Variants in DOCK3 observed in about 807,000 individuals in gnomAD.
DOCK3 encodes the protein dedicator of cytokinesis 3.
A neutral mutation model predicts 265.6 loss-of-function variants in DOCK3; 60 were observed. The ratio of observed to expected loss-of-function variants is 0.23; its 90% CI spans 0.18 to 0.28. The LOEUF is 0.28. Among genes scored for constraint, DOCK3 ranks in the 10% least tolerant of loss-of-function variants. The pLI is 1.00. For missense variants in DOCK3, 1,981 were observed against 2,594.3 expected (o/e 0.76, Z 5.14); for synonymous variants, 881 against 938.0 (o/e 0.94, Z 1.11).
chr3:50,745,429 A>G (rs937677600), intron 1 of DOCK3, among the ~76,000 whole-genome samples: 14 of 152,336 alleles, frequency 9.2e-5, no homozygotes, highest in Middle Eastern at 3.4e-3. Flanking sequence ...CTTCCAATCC[A>G]TGAATATGGA....
Position 51,364,917 on chromosome 3 carries a change from G to A in DOCK3, c.5293+2243G>A, listed in dbSNP as rs1283022318. Among the ~76,000 whole-genome samples the A allele has an allele frequency of 2.0e-5, 3 of 152,224 alleles. No homozygotes were observed. In the East Asian group the frequency reaches 5.8e-4, roughly 29 times the overall value. On this transcript the variant is annotated intron_variant, in intron 49 of 52. Transcript: ENST00000266037. ...AGTATAGTTTGAAGCCAGATAGTATGATGCCTCCAGCTTTGTTCTTTTTGC... is the reference window on the plus strand; with the variant it reads ...AGTATAGTTTGAAGCCAGATAGTATAATGCCTCCAGCTTTGTTCTTTTTGC...
rs2090027223 is a variant in DOCK3, at chr3:51,220,625, C to T, written c.1253-5024C>T. On this transcript the variant is annotated intron_variant, in intron 14 of 52. Coordinates refer to ENST00000266037, the MANE Select transcript of DOCK3 (RefSeq NM_004947.5). ...TGAGCCGAGATTGTGCCGCTGTACT[C>T]CAGCCTTGGCAACAGAGCAAGACTC... 7.1e-5 allele frequency among the ~76,000 whole-genome samples: 10 copies of T among 141,168 alleles called. No individual in the cohort carries two copies. In the South Asian group the frequency reaches 2.3e-3, roughly 33 times the overall value. 92.6% of individuals were successfully genotyped at this position (141,168 alleles called of 152,430 possible). A position where few individuals can be genotyped will look rare whatever the true frequency, so the allele number is the denominator to read the frequency against.
intron 5 of DOCK3, among the ~76,000 whole-genome samples, chr3:51,039,009 T>C (rs1214451725): frequency 6.6e-6 from 1 of 152,042 alleles, no homozygotes; most frequent in South Asian, 2.1e-4. Context: ...ATTATTATTA[T>C]TTTTGAGATG....
chr3:51,049,007 T>C (rs1300213621), intron 5 of DOCK3, among the ~76,000 whole-genome samples: 3 of 152,200 alleles, frequency 2.0e-5, no homozygotes, highest in Non-Finnish European at 4.4e-5. Flanking sequence ...TTTCGGTCTC[T>C]ACTTACAATG....
intron 9 of DOCK3, among the ~76,000 whole-genome samples, chr3:51,109,691 A>G (rs973137050): frequency 1.3e-5 from 2 of 152,166 alleles, no homozygotes; most frequent in African/African-American, 4.8e-5. Context: ...TGGGAGGCCA[A>G]GTCCAGAGGT....
intron 4 of DOCK3, among the ~76,000 whole-genome samples, chr3:50,892,079 A>G (rs1382074435): frequency 6.6e-6 from 1 of 152,148 alleles, no homozygotes; most frequent in African/African-American, 2.4e-5. Context: ...TAAGAATTCT[A>G]AAATCTGGAG....
Position 51,354,906 on chromosome 3 carries a change from C to T in DOCK3, c.4132C>T (p.His1378Tyr), listed in dbSNP as rs747062421. The T allele has an allele frequency of 4.3e-6, 7 of 1,613,742 alleles. No individual in the cohort carries two copies. Among genetic ancestry groups the T allele is most frequent in the Non-Finnish European group, 5.9e-6 (7 of 1,179,846 alleles). Residue 1378 changes from histidine to tyrosine, a missense_variant, in exon 41 of 53, where the codon CAT becomes TAT. Physicochemically the swap from His to Tyr is moderately conservative, Grantham distance 83. This residue lies in a region of DOCK3 where 1,357 missense variants were observed against 1,866.8 expected (regional missense o/e 0.73). Coordinates refer to ENST00000266037, the MANE Select transcript of DOCK3 (RefSeq NM_004947.5). ...GAACAAAGAATACGTGTGCCGTGGC[C>T]ATGACTACGAGAGGCTGGAGGCCTT... ...LRNKEYVCRG[H>Y]DYERLEAFQQ...
intron 5 of DOCK3, among the ~76,000 whole-genome samples, chr3:50,999,290 G>C (rs2078389669): frequency 6.6e-6 from 1 of 152,192 alleles, no homozygotes; most frequent in African/African-American, 2.4e-5. Context: ...AGGGTTCGTT[G>C]AAAGACCATA....
intron 5 of DOCK3, among the ~76,000 whole-genome samples, chr3:51,009,491 A>G (rs971603300): frequency 6.6e-6 from 1 of 152,018 alleles, no homozygotes; most frequent in Non-Finnish European, 1.5e-5. Context: ...TATTGCATCT[A>G]TTTGATTCTT....
At chr3:50,810,025 C>T (rs185693708) in intron 2 of DOCK3, among the ~76,000 whole-genome samples, 11 of 152,126 alleles carry the variant, frequency 7.2e-5, no homozygotes, top group African/African-American at 1.9e-4. Flanking sequence ...GTCTTAGCTA[C>T]TCAGGTGGGT....
chr3:51,020,911 C>A (rs9848873), intron 5 of DOCK3, among the ~76,000 whole-genome samples: 124,603 of 151,658 alleles, frequency 0.82, 52,072 homozygotes, highest in East Asian at 0.95. Flanking sequence ...ATAATGCCTG[C>A]AGCTTTGTTC....
chr3:51,165,221 C>G (rs895717446), intron 12 of DOCK3, among the ~76,000 whole-genome samples: 1 of 152,208 alleles, frequency 6.6e-6, no homozygotes, highest in African/African-American at 2.4e-5. Flanking sequence ...GCCACCACGC[C>G]TGGCCAGGAG....
intron 32 of DOCK3, among the ~76,000 whole-genome samples, chr3:51,318,091 A>G (rs2083473906): frequency 6.6e-6 from 1 of 152,138 alleles, no homozygotes; most frequent in African/African-American, 2.4e-5. Flanking sequence ...CTATAAATCA[A>G]ATTGGGGGCC....
intron 22 of DOCK3, among the ~76,000 whole-genome samples, chr3:51,255,010 G>A (rs1349679012): frequency 6.6e-6 from 1 of 152,184 alleles, no homozygotes; most frequent in African/African-American, 2.4e-5. Context: ...GGTACCAGTT[G>A]TTCCTTTCTA....
intron 14 of DOCK3, among the ~76,000 whole-genome samples, chr3:51,220,082 T>C (rs76112699): frequency 6.6e-6 from 1 of 151,408 alleles, no homozygotes; most frequent in Admixed American, 6.6e-5. Context: ...CTCAAGAGCC[T>C]TTTTTTTTCT....
intron 32 of DOCK3, among the ~76,000 whole-genome samples, chr3:51,326,094 G>A (rs1251073775): frequency 2.0e-5 from 3 of 150,040 alleles, no homozygotes; most frequent in East Asian, 3.9e-4. Flanking sequence ...TGAAATTGTT[G>A]TGTATATTGG....
At chr3:51,137,819 T>C (rs1277611986) in intron 9 of DOCK3, among the ~76,000 whole-genome samples, 1 of 152,212 alleles carries the variant, frequency 6.6e-6, no homozygotes, top group Non-Finnish European at 1.5e-5. Context: ...AACCATCTCT[T>C]TTTCTCTTGA....
At chr3:50,931,321 T>C (rs1306723593) in intron 4 of DOCK3, among the ~76,000 whole-genome samples, 4 of 152,230 alleles carry the variant, frequency 2.6e-5, no homozygotes, top group African/African-American at 9.6e-5. Context: ...CAGTTTACAG[T>C]GAACCTCCTT....
At chr3:51,313,304 A>G (rs1576763238) in intron 31 of DOCK3, among the ~76,000 whole-genome samples, 1 of 152,224 alleles carries the variant, frequency 6.6e-6, no homozygotes. Context: ...AAAGGTGGCT[A>G]TTAATTTTAA....
Sources: gnomAD v4.1 joint callset for allele counts (sites outside exome capture counted in the v4.1 genomes callset) on GRCh38, gnomAD v4.1.1 for gene constraint, gnomAD v4.1.1 regional missense constraint, MANE v1.5 for transcripts, NCBI Gene and HGNC (gene_info 2026-07-23, HGNC 2026-07-21) for gene names.